Variants in WWOX observed in about 807,000 individuals in gnomAD.
WWOX encodes the protein WW domain containing oxidoreductase.
A neutral mutation model predicts 46.2 loss-of-function variants in WWOX; 69 were observed. That is an observed-to-expected ratio of 1.49 (90% CI 1.23 to 1.82). The LOEUF is 1.82. Ranked by LOEUF, WWOX falls within the 40% of genes most tolerant of loss-of-function variation. The pLI, the probability that WWOX is intolerant of heterozygous loss-of-function variation, is 0.00. For synonymous variants in WWOX, 359 were observed against 202.6 expected (o/e 1.77, Z -6.56); for missense variants, 919 against 542.6 (o/e 1.69, Z -6.89).
intron 8 of WWOX, among the ~76,000 whole-genome samples, chr16:78,595,690 A>C (rs76754569): frequency 0.022 from 3,406 of 152,318 alleles, 104 homozygotes; most frequent in East Asian, 0.14. Context: ...CTCCTCAGAT[A>C]GCTGCTGGCA....
At position 78,484,715 on chromosome 16, in the gene WWOX, AT is replaced by A. The variant is rs532396639; in HGVS notation, c.1056+51965del. 8.5e-3 allele frequency among the ~76,000 whole-genome samples: 1,300 copies of A among 152,278 alleles called. 15 individuals carry two copies. Among genetic ancestry groups the A allele is most frequent in the Non-Finnish European group, 9.2e-3 (623 of 68,024 alleles). ...AATTTTACTTTTCCTAGATAAAATAATTCTCTCTCCCAAAATGAAATACAGG... is the reference window on the plus strand; with the variant it reads ...AATTTTACTTTTCCTAGATAAAATAATCTCTCTCCCAAAATGAAATACAGG... On this transcript the variant is annotated intron_variant, in intron 8 of 8. Coordinates refer to ENST00000566780, the MANE Select transcript of WWOX (RefSeq NM_016373.4).
At chr16:78,517,622 C>T (rs991306378) in intron 8 of WWOX, among the ~76,000 whole-genome samples, 1 of 152,066 alleles carries the variant, frequency 6.6e-6, no homozygotes, top group Non-Finnish European at 1.5e-5. Context: ...TGCGTCGCCA[C>T]ATCTGTCAAA....
At chr16:78,757,927 A>G (rs929949055) in intron 8 of WWOX, among the ~76,000 whole-genome samples, 5 of 151,894 alleles carry the variant, frequency 3.3e-5, no homozygotes, top group Non-Finnish European at 5.9e-5. Context: ...CACCTTGGAG[A>G]TTAGGGTTTC....
At chr16:79,071,707 G>T (rs1013962034) in intron 8 of WWOX, among the ~76,000 whole-genome samples, 13 of 152,208 alleles carry the variant, frequency 8.5e-5, no homozygotes, top group African/African-American at 3.1e-4. Flanking sequence ...CGTTGTAAAC[G>T]TAGCTTTTTA....
At chr16:78,367,844 C>A (rs369932421) in intron 5 of WWOX, among the ~76,000 whole-genome samples, 2 of 152,050 alleles carry the variant, frequency 1.3e-5, no homozygotes, top group Non-Finnish European at 2.9e-5. Flanking sequence ...GCAACCTCTG[C>A]CTCCCGAGTT....
chr16:79,089,595 G>A (rs932927649), intron 8 of WWOX, among the ~76,000 whole-genome samples: 9 of 152,182 alleles, frequency 5.9e-5, no homozygotes, highest in Non-Finnish European at 1.2e-4. Flanking sequence ...GTCCCAACGT[G>A]CTGGGATTAC....
chr16:78,870,783 G>A (rs2044110548), intron 8 of WWOX, among the ~76,000 whole-genome samples: 1 of 152,094 alleles, frequency 6.6e-6, no homozygotes, highest in Non-Finnish European at 1.5e-5. Flanking sequence ...TTGTATTTTA[G>A]TAGAGACGGG....
intron 8 of WWOX, among the ~76,000 whole-genome samples, chr16:79,024,198 G>A (rs2047591204): frequency 6.6e-6 from 1 of 152,144 alleles, no homozygotes; most frequent in African/African-American, 2.4e-5. Flanking sequence ...GTACAACCTT[G>A]TAAATATACT....
rs569128371 is a variant in WWOX, at chr16:78,439,568, A to G, written c.1056+6816A>G. 1.6e-4 allele frequency among the ~76,000 whole-genome samples: 24 copies of G among 152,366 alleles called. 2 individuals are homozygous for G. The highest frequency in any genetic ancestry group is 1.2e-3 in the Admixed American group (19 of 15,310). ...ATGTAAGTAAGTTGGAAAAGGGCAA[A>G]GGATTTAGAATCATGAGGGTTGTAT... On this transcript the variant is annotated intron_variant, in intron 8 of 8. Transcript: ENST00000566780.
At chr16:79,033,063 C>T (rs1022360262) in intron 8 of WWOX, among the ~76,000 whole-genome samples, 6 of 150,616 alleles carry the variant, frequency 4.0e-5, no homozygotes, top group African/African-American at 7.3e-5. Flanking sequence ...GGATAATGGC[C>T]TCCAGCTCCA....
At chr16:78,578,165 T>C (rs1211744045) in intron 8 of WWOX, among the ~76,000 whole-genome samples, 1 of 148,760 alleles carries the variant, frequency 6.7e-6, no homozygotes, top group African/African-American at 2.5e-5. Context: ...TTTTGCCTTT[T>C]TGACAATTAA....
At chr16:78,527,622 A>G (rs2043508019) in intron 8 of WWOX, among the ~76,000 whole-genome samples, 1 of 152,172 alleles carries the variant, frequency 6.6e-6, no homozygotes, top group African/African-American at 2.4e-5. Flanking sequence ...GAGTTTAACT[A>G]CATTTAACCA....
intron 5 of WWOX, among the ~76,000 whole-genome samples, chr16:78,375,274 G>T (rs1251815678): frequency 3.3e-5 from 5 of 152,206 alleles, no homozygotes; most frequent in Non-Finnish European, 7.3e-5. Flanking sequence ...CACGCAGTGT[G>T]GCCAACTTCC....
chr16:78,601,431 C>A (rs536475412), intron 8 of WWOX, among the ~76,000 whole-genome samples: 2 of 124,626 alleles, frequency 1.6e-5, no homozygotes, highest in East Asian at 4.8e-4. Context: ...TGGGAATTCC[C>A]CAGCAGAGAG....
chr16:78,456,880 G>C (rs1462213582), intron 8 of WWOX, among the ~76,000 whole-genome samples: 3 of 152,204 alleles, frequency 2.0e-5, no homozygotes, highest in African/African-American at 7.2e-5. Flanking sequence ...TCAGATGATG[G>C]AACTATCAAA....
At chr16:78,869,269 C>G (rs891077950) in intron 8 of WWOX, among the ~76,000 whole-genome samples, 1 of 152,210 alleles carries the variant, frequency 6.6e-6, no homozygotes, top group African/African-American at 2.4e-5. Flanking sequence ...GGAAATGAAA[C>G]ACTTAGGGGT....
At chr16:78,707,396 C>T (rs538299746) in intron 8 of WWOX, among the ~76,000 whole-genome samples, 2 of 152,318 alleles carry the variant, frequency 1.3e-5, no homozygotes, top group East Asian at 3.9e-4. Flanking sequence ...GCCACCTCAC[C>T]AGGAGCATTG....
At chr16:78,396,718 A>C (rs1276643077) in intron 6 of WWOX, among the ~76,000 whole-genome samples, 5 of 152,250 alleles carry the variant, frequency 3.3e-5, no homozygotes. Context: ...AGAATCAGAT[A>C]GTAAATATTT....
chr16:78,492,316 T>G (rs2084804746), intron 8 of WWOX, among the ~76,000 whole-genome samples: 1 of 152,194 alleles, frequency 6.6e-6, no homozygotes, highest in African/African-American at 2.4e-5. Context: ...TTTCTTCTTT[T>G]CTATCTGCTA....
Sources: allele counts gnomAD v4.1 joint callset (sites outside exome capture counted in the v4.1 genomes callset), GRCh38; gene constraint gnomAD v4.1.1; transcripts MANE v1.5; gene names NCBI Gene and HGNC (gene_info 2026-07-23, HGNC 2026-07-21).